Variants in SKI observed in about 807,000 individuals in gnomAD.
SKI encodes ski oncogene.
SKI carries 23 observed loss-of-function variants against 59.3 expected under a neutral mutation model. That is an observed-to-expected ratio of 0.39 (90% confidence interval 0.28 to 0.55). The LOEUF (loss-of-function observed/expected upper bound fraction) is 0.55, where lower values mean the gene tolerates loss of function less well. SKI is among the 20% of genes least tolerant of loss of function. The pLI is 0.67. For synonymous variants in SKI, 673 were observed against 488.6 expected (o/e 1.38, Z -4.98); for missense variants, 1,017 against 1,038.9 (o/e 0.98, Z 0.29).
intron 1 of SKI, among the ~76,000 whole-genome samples, chr1:2,294,116 G>A (rs1640230996): frequency 2.0e-5 from 3 of 152,202 alleles, no homozygotes; most frequent in Admixed American, 6.5e-5. Flanking sequence ...CTGAGAAGCC[G>A]ATGTGATAGG....
intron 1 of SKI, among the ~76,000 whole-genome samples, chr1:2,266,941 T>C (rs1307895144): frequency 6.6e-6 from 1 of 152,144 alleles, no homozygotes; most frequent in African/African-American, 2.4e-5. Context: ...GGCCTCTGCT[T>C]CAGGGAGGAA....
chr1:2,277,902 C>T (rs563869910), intron 1 of SKI, among the ~76,000 whole-genome samples: 156 of 152,180 alleles, frequency 1.0e-3, no homozygotes, highest in Middle Eastern at 6.8e-3. Flanking sequence ...CTGCACTCAA[C>T]GCACTCGTCA....
chr1:2,237,232 T>C (rs1390576747), intron 1 of SKI, among the ~76,000 whole-genome samples: 1 of 151,932 alleles, frequency 6.6e-6, no homozygotes, highest in African/African-American at 2.4e-5. Flanking sequence ...TGAGGGGTGG[T>C]GGGAGGGCAG....
chr1:2,253,442 G>C (rs1639205459), intron 1 of SKI, among the ~76,000 whole-genome samples: 1 of 152,214 alleles, frequency 6.6e-6, no homozygotes, highest in Admixed American at 6.5e-5. Context: ...TACAACCCAG[G>C]GAGAAGCCTG....
At chr1:2,239,906 T>C (rs554462913) in intron 1 of SKI, among the ~76,000 whole-genome samples, 30 of 152,332 alleles carry the variant, frequency 2.0e-4, no homozygotes, top group Admixed American at 1.4e-3. Context: ...TTCAGCTGCG[T>C]CCTTTGCGGG....
intron 1 of SKI, chr1:2,247,965 T>C (rs1012340424): frequency 1.3e-5 from 2 of 152,402 alleles, no homozygotes; most frequent in Admixed American, 6.5e-5. Flanking sequence ...TTCAGCCCCA[T>C]GTTGACTTGT....
intron 1 of SKI, among the ~76,000 whole-genome samples, chr1:2,252,454 G>T (rs1639185585): frequency 6.6e-6 from 1 of 152,296 alleles, no homozygotes; most frequent in South Asian, 2.1e-4. Context: ...ACTAACCTCT[G>T]CAGGGCCCCT....
chr1:2,232,838 A>G (rs1227426249), intron 1 of SKI, among the ~76,000 whole-genome samples: 2 of 152,130 alleles, frequency 1.3e-5, no homozygotes, highest in African/African-American at 4.8e-5. Context: ...TTATGTTTTG[A>G]GTGGTACAGG....
intron 1 of SKI, among the ~76,000 whole-genome samples, chr1:2,278,009 A>C (rs1218989601): frequency 6.6e-6 from 1 of 152,020 alleles, no homozygotes; most frequent in Non-Finnish European, 1.5e-5. Flanking sequence ...ACACATCAGT[A>C]CCATGGGCAC....
At chr1:2,304,607 G>C in intron 5 of SKI, 22 bp downstream of exon 5, 1 of 1,533,852 alleles carries the variant, frequency 6.5e-7, no homozygotes. Flanking sequence ...GAGTGGTGCT[G>C]GGAGGTCCAG....
chr1:2,304,130 C>T, intron 4 of SKI, 28 bp downstream of exon 4: 1 of 1,610,244 alleles, frequency 6.2e-7, no homozygotes, highest in Non-Finnish European at 8.5e-7. Context: ...TCTGTGCCTC[C>T]TCCCTGTGGG....
intron 1 of SKI, among the ~76,000 whole-genome samples, chr1:2,239,499 T>C (rs867352789): frequency 5.3e-5 from 8 of 152,190 alleles, no homozygotes; most frequent in African/African-American, 1.9e-4. Flanking sequence ...CTTCATCCCA[T>C]GTGGGTGTAG....
chr1:2,242,030 C>T (rs536410260), intron 1 of SKI, among the ~76,000 whole-genome samples: 2 of 152,234 alleles, frequency 1.3e-5, no homozygotes, highest in Non-Finnish European at 2.9e-5. Context: ...GACAGTCCCG[C>T]GTGCTGACCT....
rs570597171 is a variant in SKI, at chr1:2,275,673, C to T, written c.970-27305C>T. 2.5e-3 allele frequency among the ~76,000 whole-genome samples: 378 copies of T among 152,272 alleles called. 3 individuals are homozygous for T. The highest frequency in any genetic ancestry group is 0.01 in the South Asian group (50 of 4,824). ...GACTACAGGCGTGTGCCATCACACT[C>T]GGCTAATTTTTTGTATTTTTAGTAG... On this transcript the variant is annotated intron_variant, in intron 1 of 6. Transcript: ENST00000378536.
At chr1:2,252,272 AG>A (rs1639169112) in intron 1 of SKI, among the ~76,000 whole-genome samples, 1 of 152,206 alleles carries the variant, frequency 6.6e-6, no homozygotes, top group Non-Finnish European at 1.5e-5. Flanking sequence ...GAGAAAGCTG[AG>A]TAGGGGGCTG....
chr1:2,278,391 T>G (rs555280299), intron 1 of SKI, among the ~76,000 whole-genome samples: 1 of 152,354 alleles, frequency 6.6e-6, no homozygotes, highest in South Asian at 2.1e-4. Context: ...GTGGTGAAAC[T>G]GCAGATTCCT....
At chr1:2,298,943 TG>T (rs1463363419) in intron 1 of SKI, among the ~76,000 whole-genome samples, 1 of 152,162 alleles carries the variant, frequency 6.6e-6, no homozygotes. Flanking sequence ...GTGTGGGAGC[TG>T]CCTTCTCTAG....
chr1:2,239,121 G>C (rs774000062), intron 1 of SKI, among the ~76,000 whole-genome samples: 1 of 152,264 alleles, frequency 6.6e-6, no homozygotes, highest in Non-Finnish European at 1.5e-5. Flanking sequence ...CAAGTTGAAT[G>C]ATATGCAAAT....
At position 2,307,311 on chromosome 1, in the gene SKI, C is replaced by T. The variant is rs953402773; in HGVS notation, c.*546C>T. 6.6e-6 allele frequency: 1 copy of T among 152,646 alleles called. No homozygotes were observed. 9.5% of individuals were successfully genotyped at this position (152,646 alleles called of 1,614,324 possible). On this transcript the variant is annotated 3_prime_UTR_variant, in exon 7 of 7. Transcript: ENST00000378536. ...AGGACCCAGGTCTTCCTGCTGCTGC[C>T]AGGGAGAGCAGGGACAGTGCCGCGT...
Sources: gnomAD v4.1 joint callset for allele counts (sites outside exome capture counted in the v4.1 genomes callset) on GRCh38, gnomAD v4.1.1 for gene constraint, MANE v1.5 for transcripts, NCBI Gene and HGNC (gene_info 2026-07-23, HGNC 2026-07-21) for gene names.